The following HRH1 variants were observed in gnomAD, a reference collection of about 807,000 sequenced individuals.
HRH1 encodes histamine receptor H1, also known as histamine H1 receptor.
In HRH1, 6 loss-of-function variants were observed where a neutral mutation model predicts 10.3. The ratio of observed to expected loss-of-function variants is 0.58; its 90% CI spans 0.32 to 1.15. The LOEUF is 1.15. HRH1 is among the 50% of genes most tolerant of loss of function. The pLI, the probability that HRH1 is intolerant of heterozygous loss-of-function variation, is 0.05. For missense variants in HRH1, 514 were observed against 615.3 expected (o/e 0.84, Z 1.74); for synonymous variants, 242 against 236.7 (o/e 1.02, Z -0.21).
intron 1 of HRH1, among the ~76,000 whole-genome samples, chr3:11,251,350 C>T (rs568934918): frequency 3.3e-5 from 5 of 152,284 alleles, no homozygotes; most frequent in African/African-American, 7.2e-5. Context: ...AATAAGGCCT[C>T]GCTCTGCCCA....
At chr3:11,233,874 G>A (rs1939106079) in intron 1 of HRH1, among the ~76,000 whole-genome samples, 1 of 152,168 alleles carries the variant, frequency 6.6e-6, no homozygotes, top group Admixed American at 6.5e-5. Flanking sequence ...ATTTCCCCAA[G>A]GGGCATAATA....
At chr3:11,162,598 A>G (rs1936948945) in intron 1 of HRH1, among the ~76,000 whole-genome samples, 1 of 151,954 alleles carries the variant, frequency 6.6e-6, no homozygotes, top group African/African-American at 2.4e-5. Context: ...GAGACAACTG[A>G]GGCTAGAGAC....
intron 1 of HRH1, among the ~76,000 whole-genome samples, chr3:11,158,781 A>G (rs1002681558): frequency 6.6e-6 from 1 of 152,098 alleles, no homozygotes; most frequent in African/African-American, 2.4e-5. Flanking sequence ...GTATCCAGAA[A>G]TCTTGTTAAA....
intron 1 of HRH1, among the ~76,000 whole-genome samples, chr3:11,229,983 G>T (rs1295060847): frequency 1.3e-5 from 2 of 152,176 alleles, no homozygotes; most frequent in African/African-American, 4.8e-5. Flanking sequence ...GGGACTAGAG[G>T]GGGTGAGATT....
At chr3:11,146,555 G>C (rs1382133099) in intron 1 of HRH1, among the ~76,000 whole-genome samples, 1 of 152,204 alleles carries the variant, frequency 6.6e-6, no homozygotes, top group Non-Finnish European at 1.5e-5. Context: ...AAGAATGAGG[G>C]AGAGAGCTGG....
intron 1 of HRH1, among the ~76,000 whole-genome samples, chr3:11,217,720 T>C (rs181898438): frequency 1.3e-4 from 20 of 152,350 alleles, no homozygotes; most frequent in Non-Finnish European, 4.4e-5. Context: ...TGGTAAATTC[T>C]GTATTATATA....
At chr3:11,219,647 A>G (rs1009494768) in intron 1 of HRH1, among the ~76,000 whole-genome samples, 1 of 140,418 alleles carries the variant, frequency 7.1e-6, no homozygotes, top group Non-Finnish European at 1.5e-5. Flanking sequence ...CGGGAGGTGG[A>G]GCTTGCAGTG....
chr3:11,191,605 C>T (rs1000375707), intron 1 of HRH1, among the ~76,000 whole-genome samples: 2 of 152,174 alleles, frequency 1.3e-5, no homozygotes, highest in African/African-American at 4.8e-5. Context: ...GCTCTTTCTA[C>T]GGGAAAGATA....
chr3:11,185,647 G>A lies in HRH1; in HGVS notation c.-36+31093G>A, dbSNP rs76921669. On this transcript the variant is annotated intron_variant, in intron 1 of 1. Coordinates refer to ENST00000431010, the MANE Select transcript of HRH1 (RefSeq NM_001098212.2). ...GAGTTGTAACTTTGCCACTTTCTCG[G>A]GTGAGCTGTGTCTGAGTCTTCATTT... is the stretch of plus-strand genomic sequence containing the variant. Among the ~76,000 whole-genome samples, 59 of 152,274 alleles carry A rather than the reference G, an allele frequency of 3.9e-4. 1 individual carries two copies. The East Asian group carries it at 8.3e-3, about 21-fold the overall frequency.
At chr3:11,254,596 A>G (rs535720077) in intron 1 of HRH1, among the ~76,000 whole-genome samples, 44 of 152,248 alleles carry the variant, frequency 2.9e-4, no homozygotes, top group Admixed American at 7.9e-4. Flanking sequence ...TTTATTCATC[A>G]CACCAGGTGG....
chr3:11,210,862 G>A (rs1938305364), intron 1 of HRH1, among the ~76,000 whole-genome samples: 1 of 151,846 alleles, frequency 6.6e-6, no homozygotes, highest in South Asian at 2.1e-4. Flanking sequence ...AAGACCACTG[G>A]ATCCAATAAG....
rs1462599514 is a variant in HRH1, at chr3:11,169,734, TCAAGACGAAG to T, written c.-36+15182_-36+15191del. 2.6e-5 allele frequency among the ~76,000 whole-genome samples: 4 copies of T among 152,182 alleles called. No homozygotes were observed. In the East Asian group the frequency reaches 7.7e-4, roughly 29 times the overall value. On this transcript the variant is annotated intron_variant, in intron 1 of 1. Transcript: ENST00000431010. ...GATAAAGCTCCCCATCCCATCTCCA[TCAAGACGAAG>T]CTGATGAGCCTTCTGGCTACTTTTG...
At chr3:11,166,192 CA>C (rs1937026370) in intron 1 of HRH1, among the ~76,000 whole-genome samples, 2 of 152,240 alleles carry the variant, frequency 1.3e-5, no homozygotes, top group South Asian at 4.1e-4. Context: ...AGACTTAAAA[CA>C]AGTGAATTTT....
chr3:11,251,264 T>C (rs1037578574), intron 1 of HRH1, among the ~76,000 whole-genome samples: 1 of 152,148 alleles, frequency 6.6e-6, no homozygotes, highest in Non-Finnish European at 1.5e-5. Context: ...ACAACTGCTG[T>C]CTCTTCTGGC....
intron 1 of HRH1, among the ~76,000 whole-genome samples, chr3:11,177,873 C>G (rs1044733556): frequency 2.6e-5 from 4 of 152,230 alleles, no homozygotes; most frequent in African/African-American, 7.2e-5. Context: ...TCTCTCCAAA[C>G]AGCAGATTCT....
intron 1 of HRH1, among the ~76,000 whole-genome samples, chr3:11,245,817 G>A (rs1939464833): frequency 1.3e-5 from 2 of 152,022 alleles, no homozygotes; most frequent in Admixed American, 1.3e-4. Context: ...CCTCCCAATG[G>A]CCCAGGCAGG....
chr3:11,196,953 C>CAAAAAAA (rs35134148), intron 1 of HRH1, among the ~76,000 whole-genome samples: 131 of 110,314 alleles, frequency 1.2e-3, no homozygotes, highest in Non-Finnish European at 1.5e-3. Context: ...ACTAAAAATA[C>CAAAAAAA]AAAAAAAAAA....
At chr3:11,151,159 C>T (rs76019529), upstream of HRH1, among the ~76,000 whole-genome samples, 3,448 of 152,254 alleles carry the variant, frequency 0.023, 59 homozygotes, top group East Asian at 0.083. Context: ...GTGATCCAGG[C>T]CAAGCCAATT....
intron 1 of HRH1, among the ~76,000 whole-genome samples, chr3:11,253,915 CT>C (rs1347616261): frequency 1.3e-5 from 2 of 152,126 alleles, no homozygotes; most frequent in African/African-American, 4.8e-5. Context: ...GTGGTTTAAG[CT>C]CCTTTTTTAG....
Sources: allele counts gnomAD v4.1 joint callset (sites outside exome capture counted in the v4.1 genomes callset), GRCh38; gene constraint gnomAD v4.1.1; transcripts MANE v1.5; gene names NCBI Gene and HGNC (gene_info 2026-07-23, HGNC 2026-07-21).